Variants in SLA observed in about 807,000 individuals in gnomAD.
SLA encodes src-like-adapter.
SLA carries 16 observed loss-of-function variants against 30.3 expected under a neutral mutation model. The observed-to-expected ratio is 0.53, with a 90% CI of 0.36 to 0.80. SLA has a LOEUF of 0.80. Ranked by LOEUF, SLA falls within the 30% of genes least tolerant of loss-of-function variation. The pLI, the probability that SLA is intolerant of heterozygous loss-of-function variation, is 0.01. For synonymous variants in SLA, 143 were observed against 137.8 expected, an observed-to-expected ratio of 1.04 and a Z score of -0.26; for missense variants, 310 against 345.2, an observed-to-expected ratio of 0.90 and a Z score of 0.81.
At chr8:133,050,940 A>T (rs1294098945) in intron 3 of SLA, 25 bp from the exon 4 acceptor site, 1 of 1,395,020 alleles carries the variant, frequency 7.2e-7, no homozygotes, top group Admixed American at 1.7e-5. Context: ...GCAAGGGGGA[A>T]GGGGGCAAGG....
chr8:133,043,968 G>C (rs1838809651), intron 7 of SLA, among the ~76,000 whole-genome samples: 1 of 152,174 alleles, frequency 6.6e-6, no homozygotes, highest in Non-Finnish European at 1.5e-5. Context: ...GCATTTAATG[G>C]GAGCTCACGA....
intron 3 of SLA, among the ~76,000 whole-genome samples, chr8:133,056,428 TG>T (rs1159825424): frequency 1.3e-5 from 2 of 152,160 alleles, no homozygotes; most frequent in African/African-American, 4.8e-5. Flanking sequence ...TCATTAAATC[TG>T]GGGGCCAGGC....
At chr8:133,049,189 G>A in intron 5 of SLA, 1 of 456,112 alleles carries the variant, frequency 2.2e-6, no homozygotes, top group South Asian at 1.5e-5. Context: ...AACGACTACA[G>A]GGGAAAGCAG....
chr8:133,097,182 A>G (rs575015922), intron 1 of SLA, among the ~76,000 whole-genome samples: 2 of 152,350 alleles, frequency 1.3e-5, no homozygotes, highest in African/African-American at 4.8e-5. Context: ...TCTGTTGAAT[A>G]TAAGGCAGTC....
At chr8:133,075,546 A>G (rs1844740356) in intron 1 of SLA, among the ~76,000 whole-genome samples, 1 of 152,242 alleles carries the variant, frequency 6.6e-6, no homozygotes, top group African/African-American at 2.4e-5. Flanking sequence ...TTTCTTGGAC[A>G]TGGTAATAAT....
At chr8:133,053,202 A>C (rs1840745632) in intron 3 of SLA, among the ~76,000 whole-genome samples, 3 of 151,874 alleles carry the variant, frequency 2.0e-5, no homozygotes, top group South Asian at 4.2e-4. Flanking sequence ...TGCTGTACTA[A>C]TTCTTCCTCT....
At chr8:133,086,986 TA>T (rs1846664097) in intron 1 of SLA, among the ~76,000 whole-genome samples, 1 of 151,862 alleles carries the variant, frequency 6.6e-6, no homozygotes, top group African/African-American at 2.4e-5. Flanking sequence ...TAAGTAATGA[TA>T]CAGAATGATA....
chr8:133,095,154 G>A lies in SLA; in HGVS notation c.-319+7399C>T. ...GCCCCATGTCATCCAGCCAAGAAGT[G>A]GTGTCCTGCCTCCGCCAGAAGCCTG... On this transcript the variant is annotated intron_variant, in intron 1 of 8. Transcript: ENST00000338087. The A allele has an allele frequency of 6.2e-7, 1 of 1,614,228 alleles. No homozygotes were observed. The highest frequency in any genetic ancestry group is 8.5e-7 in the Non-Finnish European group (1 of 1,180,040).
chr8:133,040,944 A>G (rs1838102781), intron 7 of SLA, among the ~76,000 whole-genome samples: 1 of 152,256 alleles, frequency 6.6e-6, no homozygotes, highest in Non-Finnish European at 1.5e-5. Flanking sequence ...AAATCTCTGT[A>G]TAAAATGTCT....
Position 133,073,828 on chromosome 8 carries a change from G to A in SLA, c.-41+1025C>T, listed in dbSNP as rs553806645. Reference sequence around the variant, plus strand: ...CTTGCCTCTACCTCCCACCAGCTCCGTGACTTGGACAAGCCACCTAACTTC... The same window carrying A: ...CTTGCCTCTACCTCCCACCAGCTCCATGACTTGGACAAGCCACCTAACTTC... On this transcript the variant is annotated intron_variant, in intron 2 of 8. Transcript: ENST00000338087. Among the ~76,000 whole-genome samples, 47 of 152,100 alleles carry A rather than the reference G, an allele frequency of 3.1e-4. 3 individuals carry two copies. The South Asian group carries it at 9.4e-3, about 30-fold the overall frequency.
At chr8:133,055,357 GCACGCGCGCA>G (rs1485136293) in intron 3 of SLA, among the ~76,000 whole-genome samples, 1 of 59,896 alleles carries the variant, frequency 1.7e-5, no homozygotes, top group African/African-American at 8.1e-5. Flanking sequence ...ACACACACAC[GCACGCGCGCA>G]CACACACACA....
chr8:133,080,280 G>A (rs13265497), intron 1 of SLA, among the ~76,000 whole-genome samples: 23,585 of 152,106 alleles, frequency 0.16, 2,281 homozygotes, highest in East Asian at 0.21. Context: ...TGGCCTTTGC[G>A]TATGTTACGT....
At chr8:133,096,058 C>A (rs985788944) in intron 1 of SLA, 2 of 926,956 alleles carry the variant, frequency 2.2e-6, no homozygotes, top group Admixed American at 3.5e-5. Flanking sequence ...CACATGGTGT[C>A]CTGCCTGCCA....
chr8:133,057,774 C>CAAA (rs5895173), intron 3 of SLA, among the ~76,000 whole-genome samples: 189 of 142,030 alleles, frequency 1.3e-3, no homozygotes, highest in African/African-American at 2.4e-3. Context: ...AAACAAAAAA[C>CAAA]AAAAAAAAAA....
chr8:133,095,071 G>A lies in SLA; in HGVS notation c.-319+7482C>T, dbSNP rs114811758. On this transcript the variant is annotated intron_variant, in intron 1 of 8. Transcript: ENST00000338087. ...AGGCTCCGCACTCTCCCCGGCCGCCGTCATCAGCCATGAGAGGGCTCAGCA... is the reference window on the plus strand; with the variant it reads ...AGGCTCCGCACTCTCCCCGGCCGCCATCATCAGCCATGAGAGGGCTCAGCA... The A allele has an allele frequency of 1.6e-4, 256 of 1,614,030 alleles. 1 individual carries two copies. The highest frequency in any genetic ancestry group is 1.4e-3 in the South Asian group (126 of 91,078).
intron 2 of SLA, among the ~76,000 whole-genome samples, chr8:133,073,729 C>T (rs1844432183): frequency 2.0e-5 from 3 of 152,024 alleles, no homozygotes; most frequent in Non-Finnish European, 1.5e-5. Flanking sequence ...TCAAGGGCAC[C>T]ACTTTAAACA....
At chr8:133,095,855 G>A (rs1848322704) in intron 1 of SLA, among the ~76,000 whole-genome samples, 1 of 152,202 alleles carries the variant, frequency 6.6e-6, no homozygotes, top group African/African-American at 2.4e-5. Flanking sequence ...GATCATAGCT[G>A]GAGCTGGTGA....
intron 1 of SLA, among the ~76,000 whole-genome samples, chr8:133,077,741 G>A (rs1171920390): frequency 1.4e-5 from 2 of 147,752 alleles, no homozygotes; most frequent in Non-Finnish European, 3.0e-5. Context: ...GTGTATGTGT[G>A]TGTGTGTGTG....
At chr8:133,049,310 G>A in intron 5 of SLA, 1 of 375,640 alleles carries the variant, frequency 2.7e-6, no homozygotes, top group Non-Finnish European at 5.3e-6. Context: ...GATTCTGTGT[G>A]TTTCTGGATA....
Sources: allele counts gnomAD v4.1 joint callset (sites outside exome capture counted in the v4.1 genomes callset), GRCh38; gene constraint gnomAD v4.1.1; transcripts MANE v1.5; gene names NCBI Gene and HGNC (gene_info 2026-07-23, HGNC 2026-07-21).